The following SMTNL2 variants were observed in gnomAD, a reference collection of about 807,000 sequenced individuals.
SMTNL2 encodes the protein smoothelin-like protein 2.
Under a neutral mutation model 44.1 loss-of-function variants are expected in SMTNL2, and 43 were observed. That is an observed-to-expected ratio of 0.98 (90% confidence interval 0.76 to 1.26). The LOEUF (loss-of-function observed/expected upper bound fraction) is 1.26. Among genes scored for constraint, SMTNL2 ranks in the 50% most tolerant of loss-of-function variants. The probability of loss-of-function intolerance (pLI) is 0.00; values close to 1 mark genes in which losing one functional copy is unlikely to be tolerated. For synonymous variants in SMTNL2, 317 were observed against 287.6 expected, an observed-to-expected ratio of 1.10 and a Z score of -1.03; for missense variants, 646 against 670.2, an observed-to-expected ratio of 0.96 and a Z score of 0.40.
intron 7 of SMTNL2, among the ~76,000 whole-genome samples, chr17:4,601,952 T>G (rs1027338604): frequency 9.2e-5 from 14 of 152,136 alleles, no homozygotes; most frequent in African/African-American, 3.4e-4. Flanking sequence ...ATGCTGATCA[T>G]CACTTTCTTT....
At chr17:4,605,311 C>A (rs1405790288) in intron 7 of SMTNL2, among the ~76,000 whole-genome samples, 2 of 151,852 alleles carry the variant, frequency 1.3e-5, no homozygotes, top group African/African-American at 2.4e-5. Context: ...AGGTGCACAC[C>A]ACCATGCCTG....
rs897006060 is a variant in SMTNL2, at chr17:4,598,697, G to T, written c.1259+1374G>T. ...AAATTAGCCAGGCATGGTGGCAGGC[G>T]CCTGGAGTCCCAGCTACTCAGGAGG... is the stretch of plus-strand genomic sequence containing the variant. On this transcript the variant is annotated intron_variant, in intron 7 of 7. Transcript: ENST00000389313. The surrounding 1 kb of genome is among the most constrained non-coding windows in gnomAD (Gnocchi z 4.8). Among the ~76,000 whole-genome samples, 1 of 152,260 alleles carries T rather than the reference G, an allele frequency of 6.6e-6. No homozygotes were observed. Among genetic ancestry groups the T allele is most frequent in the Middle Eastern group, 3.4e-3 (1 of 294 alleles).
At position 4,585,017 on chromosome 17, in the gene SMTNL2, G is replaced by A. The variant is rs577072849; in HGVS notation, c.399+13G>A. Reference sequence around the variant, plus strand: ...CGGCCGCGGCCAGGTGAGCCCGGGGGAGCGCGTGCGCTGGCGCCAGGGAGT... The same window carrying A: ...CGGCCGCGGCCAGGTGAGCCCGGGGAAGCGCGTGCGCTGGCGCCAGGGAGT... On this transcript the variant is annotated intron_variant, in intron 1 of 7. Transcript: ENST00000389313. 2.8e-5 allele frequency: 37 copies of A among 1,314,990 alleles called. No homozygotes were observed. The Admixed American group carries it at 1.4e-3, about 51-fold the overall frequency. 81.5% of individuals were successfully genotyped at this position (1,314,990 alleles called of 1,614,324 possible).
rs1910159330 is a variant in SMTNL2, at chr17:4,604,047, G to A, written c.1260-3314G>A. On this transcript the variant is annotated intron_variant, in intron 7 of 7. Transcript: ENST00000389313. ...TTTAGTAGAGACGGGGTTTCACCAT[G>A]TTAGCCAGGATGGTCTCCAACTCCT... Among the ~76,000 whole-genome samples the A allele has an allele frequency of 2.0e-5, 3 of 152,140 alleles. No individual in the cohort carries two copies. The South Asian group carries it at 6.2e-4, about 32-fold the overall frequency.
intron 7 of SMTNL2, among the ~76,000 whole-genome samples, chr17:4,597,875 G>A (rs1048407608): frequency 1.3e-5 from 2 of 152,160 alleles, no homozygotes; most frequent in African/African-American, 4.8e-5. Context: ...GTGGCTCTGG[G>A]GTCAGGAGGC....
At chr17:4,594,044 G>T in intron 4 of SMTNL2, 147 bp downstream of exon 4, 2 of 760,336 alleles carry the variant, frequency 2.6e-6, no homozygotes, top group Non-Finnish European at 4.4e-6. Flanking sequence ...CGGCAGGATG[G>T]GGGGAAGGTC....
intron 7 of SMTNL2, among the ~76,000 whole-genome samples, chr17:4,604,644 C>T (rs1910192273): frequency 6.6e-6 from 1 of 152,130 alleles, no homozygotes; most frequent in Non-Finnish European, 1.5e-5. Flanking sequence ...AACAGGCCCA[C>T]TGGGAGGGAC....
At chr17:4,603,332 C>G (rs1281188575) in intron 7 of SMTNL2, among the ~76,000 whole-genome samples, 1 of 152,092 alleles carries the variant, frequency 6.6e-6, no homozygotes, top group Admixed American at 6.5e-5. Flanking sequence ...AGGTTTTCTT[C>G]TGGCGTGTGA....
chr17:4,605,364 T>C (rs1910229817), intron 7 of SMTNL2, among the ~76,000 whole-genome samples: 1 of 151,968 alleles, frequency 6.6e-6, no homozygotes, highest in Non-Finnish European at 1.5e-5. Context: ...TTTTGCTGTG[T>C]TGTCCAGGCT....
chr17:4,599,889 A>T (rs977876467), intron 7 of SMTNL2, among the ~76,000 whole-genome samples: 1 of 152,218 alleles, frequency 6.6e-6, no homozygotes, highest in African/African-American at 2.4e-5. Context: ...AGCACACAGC[A>T]GGGTAAAAAC....
chr17:4,588,978 C>T (rs1029861741), intron 1 of SMTNL2, among the ~76,000 whole-genome samples: 5 of 152,190 alleles, frequency 3.3e-5, no homozygotes. Context: ...GCGCCTTGAC[C>T]TAAGGCACGG....
In SMTNL2 at chr17:4,607,553, C is replaced by T; in HGVS notation, c.*66C>T. 1 of 1,584,550 alleles carries T rather than the reference C, an allele frequency of 6.3e-7. No homozygotes were observed. Among genetic ancestry groups the T allele is most frequent in the Admixed American group, 1.7e-5 (1 of 58,124 alleles). ...AGGCCGGGGGTCCGCTTGCGATTCC[C>T]CAGCCAGGATGCCCCCAGGAGCCTT... On this transcript the variant is annotated 3_prime_UTR_variant, in exon 8 of 8. Transcript: ENST00000389313. This position sits in a 1 kb window ranked among gnomAD's most constrained non-coding sequence, Gnocchi z 4.7.
At chr17:4,601,063 C>A (rs1332602117) in intron 7 of SMTNL2, among the ~76,000 whole-genome samples, 1 of 152,224 alleles carries the variant, frequency 6.6e-6, no homozygotes, top group Non-Finnish European at 1.5e-5. Context: ...ACCCTTTCAG[C>A]CTTTTCCCCA....
chr17:4,589,871 A>G (rs897704635), intron 1 of SMTNL2, among the ~76,000 whole-genome samples: 3 of 142,878 alleles, frequency 2.1e-5, no homozygotes, highest in African/African-American at 5.3e-5. Context: ...GCTGAACCCA[A>G]TGGATGCCTG....
At chr17:4,604,774 C>T (rs927265232) in intron 7 of SMTNL2, among the ~76,000 whole-genome samples, 2 of 152,064 alleles carry the variant, frequency 1.3e-5, no homozygotes, top group Non-Finnish European at 2.9e-5. Context: ...TGGGTTCAAG[C>T]GATTCTCCAG....
Position 4,584,554 on chromosome 17 carries a change from C to T in SMTNL2, c.-52C>T. On this transcript the variant is annotated 5_prime_UTR_variant, in exon 1 of 8. Transcript: ENST00000389313. ...AGTCGCGGCCCGGAGCTGCGGAGCT[C>T]GGATCTTCTCCCCCGTCTGGCCCGC... 2 of 1,215,176 alleles carry T rather than the reference C, an allele frequency of 1.6e-6. 1 individual carries two copies. The highest frequency in any genetic ancestry group is 8.7e-5 in the Admixed American group (2 of 22,974). The allele number at this position is 1,215,176 out of a possible 1,614,324, so 75.3% of individuals were successfully genotyped here.
In SMTNL2 at chr17:4,595,274, G is replaced by A. The variant is rs567923465; in HGVS notation, c.936G>A (p.Ala312=). ...AGACGCTGCCCCGCACCTCGGAGGC[G>A]CAGGCCCGGAAAGCATTGTTTGAGA... is the stretch of plus-strand genomic sequence containing the variant. ...RSQTLPRTSE[A]QARKALFEKW... Residue 312 remains alanine (A), a synonymous_variant, in exon 5 of 8, where the codon GCG becomes GCA. Coordinates refer to ENST00000389313, the MANE Select transcript of SMTNL2 (RefSeq NM_001114974.2). This position sits in a 1 kb window ranked among gnomAD's most constrained non-coding sequence, Gnocchi z 5.1. 38 of 1,613,264 alleles carry A rather than the reference G, an allele frequency of 2.4e-5. No homozygotes were observed. In the African/African-American group the frequency reaches 2.8e-4, roughly 12 times the overall value.
intron 7 of SMTNL2, among the ~76,000 whole-genome samples, chr17:4,605,354 T>A (rs1420841997): frequency 1.3e-5 from 2 of 151,672 alleles, no homozygotes; most frequent in Non-Finnish European, 2.9e-5. Flanking sequence ...AGAGACGGGG[T>A]TTTGCTGTGT....
In SMTNL2 at chr17:4,607,446, T is replaced by C; in HGVS notation, c.1345T>C (p.Tyr449His). 6.2e-7 allele frequency: 1 copy of C among 1,614,234 alleles called. No individual in the cohort carries two copies. The highest frequency in any genetic ancestry group is 1.1e-5 in the South Asian group (1 of 91,088). The part of the protein sequence containing the change: ...RKPDPMCVFT[Y>H]VQSLYNHLRR... ...GCCGGACCCCATGTGTGTCTTCACC[T>C]ACGTCCAGTCGCTGTACAACCACCT... The change falls in exon 8 of 8, where the codon TAC becomes CAC. Residue 449 changes from tyrosine to histidine, a missense_variant. Physicochemically the swap from Tyr to His is moderately conservative, Grantham distance 83. Coordinates refer to ENST00000389313, the MANE Select transcript of SMTNL2 (RefSeq NM_001114974.2). This position sits in a 1 kb window ranked among gnomAD's most constrained non-coding sequence, Gnocchi z 4.7.
Sources: gnomAD v4.1 joint callset for allele counts (sites outside exome capture counted in the v4.1 genomes callset) on GRCh38, gnomAD v4.1.1 for gene constraint, Gnocchi (gnomAD v3.1) non-coding constraint, MANE v1.5 for transcripts, NCBI Gene and HGNC (gene_info 2026-07-23, HGNC 2026-07-21) for gene names.